CNTN5: variants seen among roughly 807,000 people sequenced by gnomAD.
CNTN5 encodes the protein contactin-5.
Under a neutral mutation model 129.1 loss-of-function variants are expected in CNTN5, and 77 were observed. That is an observed-to-expected ratio of 0.60 (90% CI 0.50 to 0.72). The LOEUF is 0.72. Ranked by LOEUF, CNTN5 falls within the 30% of genes least tolerant of loss-of-function variation. CNTN5 has a pLI of 0.00. For missense variants in CNTN5, 1,478 were observed against 1,328.8 expected, an observed-to-expected ratio of 1.11 and a Z score of -1.75; for synonymous variants, 509 against 465.6, an observed-to-expected ratio of 1.09 and a Z score of -1.20.
At chr11:99,399,119 C>G (rs1386740026) in intron 2 of CNTN5, among the ~76,000 whole-genome samples, 3 of 150,186 alleles carry the variant, frequency 2.0e-5, no homozygotes, top group African/African-American at 7.4e-5. Flanking sequence ...GTATACATTT[C>G]CCTGACAAAT....
chr11:99,982,673 C>T (rs1241237380), intron 8 of CNTN5, among the ~76,000 whole-genome samples: 1 of 152,094 alleles, frequency 6.6e-6, no homozygotes, highest in African/African-American at 2.4e-5. Flanking sequence ...TGGAGTCTGG[C>T]TCTGTCACCC....
intron 19 of CNTN5, 103 bp downstream of exon 19, chr11:100,297,798 G>A: frequency 1.2e-6 from 1 of 864,176 alleles, no homozygotes. Flanking sequence ...TTCATTTAGA[G>A]GCTAAAAACA....
In CNTN5 at chr11:100,357,998, T is replaced by C. The variant is rs482007; in HGVS notation, c.*1778T>C. The C allele has an allele frequency of 0.17, 25,286 of 151,810 alleles. 2,601 individuals are homozygous for C. Among genetic ancestry groups the C allele is most frequent in the East Asian group, 0.45 (2,306 of 5,136 alleles). 9.4% of individuals were successfully genotyped at this position (151,810 alleles called of 1,614,324 possible). ...AGTAAGTAATTATGACCAAGTGGCC[T>C]TTCTTGAACGCCTCCTTTAAAGTGG... is the stretch of plus-strand genomic sequence containing the variant. On this transcript the variant is annotated 3_prime_UTR_variant, in exon 25 of 25. Coordinates refer to ENST00000524871, the MANE Select transcript of CNTN5 (RefSeq NM_014361.4).
At chr11:99,166,927 T>C (rs1860903176) in intron 1 of CNTN5, among the ~76,000 whole-genome samples, 1 of 152,152 alleles carries the variant, frequency 6.6e-6, no homozygotes, top group Admixed American at 6.5e-5. Context: ...TGTTGCATAA[T>C]GTTATTTAAA....
intron 3 of CNTN5, among the ~76,000 whole-genome samples, chr11:99,773,907 G>A (rs977823220): frequency 6.6e-6 from 1 of 151,996 alleles, no homozygotes; most frequent in Non-Finnish European, 1.5e-5. Context: ...CAAACTACTA[G>A]TGGTTTCCTA....
intron 4 of CNTN5, chr11:99,844,546 T>A (rs944589495): frequency 5.3e-6 from 2 of 375,084 alleles, no homozygotes; most frequent in African/African-American, 4.4e-5. Flanking sequence ...ATGCTTAATA[T>A]TATTATCCTT....
chr11:100,104,375 T>C (rs1175805124), intron 13 of CNTN5, among the ~76,000 whole-genome samples: 3 of 151,992 alleles, frequency 2.0e-5, no homozygotes, highest in Non-Finnish European at 4.4e-5. Flanking sequence ...GCCACCACAC[T>C]TGGCTGATAA....
intron 2 of CNTN5, among the ~76,000 whole-genome samples, chr11:99,511,099 T>A (rs116621169): frequency 6.6e-6 from 1 of 150,614 alleles, no homozygotes; most frequent in Non-Finnish European, 1.5e-5. Flanking sequence ...ATAGAAAAAA[T>A]CTTATAGAAA....
chr11:100,042,073 A>G (rs1338266696), intron 9 of CNTN5, among the ~76,000 whole-genome samples: 1 of 152,154 alleles, frequency 6.6e-6, no homozygotes, highest in African/African-American at 2.4e-5. Context: ...GGAGAGATTC[A>G]TATACTCTCC....
intron 7 of CNTN5, among the ~76,000 whole-genome samples, chr11:99,956,313 G>A (rs1591478304): frequency 6.6e-6 from 1 of 152,018 alleles, no homozygotes; most frequent in East Asian, 1.9e-4. Context: ...TACAAAATGG[G>A]ATGTGTGTAG....
chr11:99,280,804 T>C (rs1812492361), intron 1 of CNTN5, among the ~76,000 whole-genome samples: 1 of 151,872 alleles, frequency 6.6e-6, no homozygotes, highest in Non-Finnish European at 1.5e-5. Context: ...CAGGACTTAA[T>C]GGACTATTCA....
At chr11:100,275,502 A>G (rs571978009) in intron 18 of CNTN5, among the ~76,000 whole-genome samples, 1 of 152,100 alleles carries the variant, frequency 6.6e-6, no homozygotes, top group East Asian at 1.9e-4. Context: ...TATTCATTTC[A>G]AAAATAAATA....
Position 99,924,570 on chromosome 11 carries a change from G to A in CNTN5, c.673+8421G>A, listed in dbSNP as rs2136048401. ...GTTGTGGGTATGCAGCTTTAATTCA[G>A]GGGCCTCTATTCTGTTCCATTGGTC... On this transcript the variant is annotated intron_variant, in intron 7 of 24. Transcript: ENST00000524871. Among the ~76,000 whole-genome samples the A allele has an allele frequency of 1.3e-5, 2 of 151,994 alleles. 1 individual carries two copies. Among genetic ancestry groups the A allele is most frequent in the South Asian group, 4.2e-4 (2 of 4,818 alleles).
At chr11:99,300,431 A>G (rs895968811) in intron 1 of CNTN5, among the ~76,000 whole-genome samples, 7 of 151,866 alleles carry the variant, frequency 4.6e-5, no homozygotes, top group African/African-American at 7.3e-5. Context: ...ATTGTTTTGT[A>G]TATGTTGAAC....
At chr11:100,286,983 A>C (rs1248708298) in intron 18 of CNTN5, among the ~76,000 whole-genome samples, 2 of 152,158 alleles carry the variant, frequency 1.3e-5, no homozygotes, top group Non-Finnish European at 2.9e-5. Context: ...AGCCGATGTG[A>C]TCAACTGGAA....
chr11:99,451,095 G>A (rs543655615), intron 2 of CNTN5, among the ~76,000 whole-genome samples: 1 of 152,178 alleles, frequency 6.6e-6, no homozygotes, highest in African/African-American at 2.4e-5. Context: ...GGAATGGGTT[G>A]CTTCTAGGGA....
intron 1 of CNTN5, among the ~76,000 whole-genome samples, chr11:99,091,879 C>T (rs1171352405): frequency 6.6e-6 from 1 of 152,134 alleles, no homozygotes; most frequent in Non-Finnish European, 1.5e-5. Context: ...AAAACTAACT[C>T]AATGATCTTG....
chr11:99,124,524 C>T (rs1049874153), intron 1 of CNTN5, among the ~76,000 whole-genome samples: 1 of 151,756 alleles, frequency 6.6e-6, no homozygotes, highest in African/African-American at 2.4e-5. Flanking sequence ...AGAAAGGTCT[C>T]CAATTAACAA....
intron 2 of CNTN5, among the ~76,000 whole-genome samples, chr11:99,532,845 A>G (rs573672217): frequency 6.6e-6 from 1 of 152,340 alleles, no homozygotes; most frequent in African/African-American, 2.4e-5. Flanking sequence ...CTTTATCAGC[A>G]GTGTGAAAAT....
Sources: allele counts gnomAD v4.1 joint callset (sites outside exome capture counted in the v4.1 genomes callset), GRCh38; gene constraint gnomAD v4.1.1; transcripts MANE v1.5; gene names NCBI Gene and HGNC (gene_info 2026-07-23, HGNC 2026-07-21).